Variants in RARB observed in about 807,000 individuals in gnomAD.
RARB encodes the protein retinoic acid receptor beta.
A neutral mutation model predicts 51.9 loss-of-function variants in RARB; 17 were observed. The ratio of observed to expected loss-of-function variants is 0.33; its 90% CI spans 0.22 to 0.49. The LOEUF is 0.49. Among genes scored for constraint, RARB ranks in the 20% least tolerant of loss-of-function variants. RARB has a pLI of 0.99. For synonymous variants in RARB, 215 were observed against 195.4 expected (o/e 1.10, Z -0.84); for missense variants, 369 against 550.8 (o/e 0.67, Z 3.30).
chr3:25,085,963 T>G (rs1403318566), intron 3 of RARB, among the ~76,000 whole-genome samples: 2 of 152,178 alleles, frequency 1.3e-5, no homozygotes, highest in Non-Finnish European at 2.9e-5. Flanking sequence ...ATGATCTAGG[T>G]TGGAAGAAGT....
chr3:25,026,001 C>CT (rs1697740733), intron 2 of RARB, among the ~76,000 whole-genome samples: 1 of 152,128 alleles, frequency 6.6e-6, no homozygotes. Context: ...ATTAATGAGA[C>CT]TGGTAGTCTG....
intron 5 of RARB, among the ~76,000 whole-genome samples, chr3:25,186,181 AG>A (rs1168064329): frequency 6.6e-6 from 1 of 152,140 alleles, no homozygotes; most frequent in East Asian, 1.9e-4. Flanking sequence ...TTCACTAAAA[AG>A]AAATTCAGAT....
At chr3:24,847,250 T>G (rs1702496616) in intron 1 of RARB, among the ~76,000 whole-genome samples, 1 of 152,216 alleles carries the variant, frequency 6.6e-6, no homozygotes, top group Non-Finnish European at 1.5e-5. Context: ...CAGCTGTCCC[T>G]GGCTTTGAAA....
intron 1 of RARB, among the ~76,000 whole-genome samples, chr3:24,851,976 A>G (rs899709505): frequency 6.6e-6 from 1 of 152,336 alleles, no homozygotes; most frequent in Admixed American, 6.5e-5. Context: ...CCATGCTTGT[A>G]TTTCAAATAT....
chr3:25,544,985 G>A (rs749270558), intron 3 of RARB, among the ~76,000 whole-genome samples: 5 of 151,732 alleles, frequency 3.3e-5, no homozygotes, highest in African/African-American at 7.3e-5. Flanking sequence ...TTCTTGAGAC[G>A]GAGTCTCGTT....
At chr3:25,211,313 T>C (rs1701690861) in intron 5 of RARB, among the ~76,000 whole-genome samples, 2 of 152,182 alleles carry the variant, frequency 1.3e-5, no homozygotes, top group African/African-American at 4.8e-5. Context: ...GCCTTCATGA[T>C]TATAAGCCTT....
intron 3 of RARB, among the ~76,000 whole-genome samples, chr3:25,558,529 CTT>C (rs55699410): frequency 0.024 from 3,147 of 129,478 alleles, 70 homozygotes; most frequent in African/African-American, 0.084. Context: ...GTTCCTGGCC[CTT>C]TTTTTTTTTT....
intron 3 of RARB, among the ~76,000 whole-genome samples, chr3:25,101,249 A>G (rs1699394822): frequency 6.6e-6 from 1 of 152,148 alleles, no homozygotes; most frequent in Non-Finnish European, 1.5e-5. Context: ...CCTATACTAT[A>G]CCTGAGCCTG....
At chr3:25,476,534 T>C (rs1020563545) in intron 2 of RARB, among the ~76,000 whole-genome samples, 2 of 152,186 alleles carry the variant, frequency 1.3e-5, no homozygotes, top group Non-Finnish European at 2.9e-5. Flanking sequence ...AAAAAAATTG[T>C]GTGGCACCCC....
intron 2 of RARB, among the ~76,000 whole-genome samples, chr3:25,473,883 G>A (rs1334581324): frequency 3.0e-5 from 4 of 131,636 alleles, no homozygotes; most frequent in South Asian, 2.4e-4. Context: ...TGACCCTCTC[G>A]GTTCTGCTTC....
chr3:25,350,067 G>T (rs1210098458), intron 5 of RARB, among the ~76,000 whole-genome samples: 1 of 152,118 alleles, frequency 6.6e-6, no homozygotes, highest in African/African-American at 2.4e-5. Context: ...AAGGTGCCTG[G>T]CTGTACCCAG....
At chr3:25,015,981 T>C (rs1697499837) in intron 2 of RARB, among the ~76,000 whole-genome samples, 1 of 152,224 alleles carries the variant, frequency 6.6e-6, no homozygotes, top group Non-Finnish European at 1.5e-5. Context: ...TAAAACATTG[T>C]ACAAAAACTT....
At chr3:24,919,400 A>G (rs1026329596) in intron 2 of RARB, among the ~76,000 whole-genome samples, 1 of 152,154 alleles carries the variant, frequency 6.6e-6, no homozygotes, top group Non-Finnish European at 1.5e-5. Flanking sequence ...ACTGTAACCT[A>G]CTCTTGTGCC....
At chr3:24,947,201 T>C (rs1048563946) in intron 2 of RARB, among the ~76,000 whole-genome samples, 2 of 152,196 alleles carry the variant, frequency 1.3e-5, no homozygotes, top group African/African-American at 4.8e-5. Context: ...CTTTCTGTAC[T>C]AGAATATCTT....
chr3:25,023,338 T>C (rs954569099), intron 2 of RARB, among the ~76,000 whole-genome samples: 1 of 152,174 alleles, frequency 6.6e-6, no homozygotes, highest in South Asian at 2.1e-4. Flanking sequence ...AGCACTTGAG[T>C]AGGAGATTGA....
At chr3:25,115,845 G>C (rs913702625) in intron 3 of RARB, among the ~76,000 whole-genome samples, 1 of 151,984 alleles carries the variant, frequency 6.6e-6, no homozygotes, top group African/African-American at 2.4e-5. Context: ...TGCCGAGGCT[G>C]ATCTCGAACT....
intron 5 of RARB, among the ~76,000 whole-genome samples, chr3:25,361,756 G>A (rs984886219): frequency 2.6e-5 from 4 of 152,204 alleles, no homozygotes; most frequent in Non-Finnish European, 5.9e-5. Context: ...CAGGTCTGCT[G>A]GAGTTTGCTG....
At chr3:25,375,319 T>C (rs1706427374) in intron 5 of RARB, among the ~76,000 whole-genome samples, 2 of 152,194 alleles carry the variant, frequency 1.3e-5, no homozygotes, top group Admixed American at 1.3e-4. Context: ...ATAATGATGA[T>C]CTGTTTTATA....
intron 2 of RARB, among the ~76,000 whole-genome samples, chr3:24,983,893 C>A (rs1013394092): frequency 6.6e-6 from 1 of 151,798 alleles, no homozygotes; most frequent in Non-Finnish European, 1.5e-5. Context: ...AGGATAAATA[C>A]AATTACAAAA....
Sources: gnomAD v4.1 joint callset for allele counts (sites outside exome capture counted in the v4.1 genomes callset) on GRCh38, gnomAD v4.1.1 for gene constraint, MANE v1.5 for transcripts, NCBI Gene and HGNC (gene_info 2026-07-23, HGNC 2026-07-21) for gene names.